Variants in CLSTN3 observed in about 807,000 individuals in gnomAD.
CLSTN3 encodes calsyntenin 3.
CLSTN3 carries 36 observed loss-of-function variants against 95.9 expected under a neutral mutation model. The ratio of observed to expected loss-of-function variants is 0.38; its 90% CI spans 0.29 to 0.50. CLSTN3 has a LOEUF of 0.50. CLSTN3 is among the 20% of genes least tolerant of loss of function. CLSTN3 has a pLI of 0.95. For missense variants in CLSTN3, 1,084 were observed against 1,268.8 expected (o/e 0.85, Z 2.21); for synonymous variants, 481 against 504.0 (o/e 0.95, Z 0.61).
chr12:7,141,161 C>T lies in CLSTN3; in HGVS notation c.1324-81C>T. The T allele has an allele frequency of 2.1e-6, 3 of 1,424,726 alleles. No homozygotes were observed. The highest frequency in any genetic ancestry group is 2.9e-6 in the Non-Finnish European group (3 of 1,042,458). The allele number at this position is 1,424,726 out of a possible 1,614,324, so 88.3% of individuals were successfully genotyped here. A position where few individuals can be genotyped will look rare whatever the true frequency, so the allele number is the denominator to read the frequency against. Reference sequence around the variant, plus strand: ...AATAAAGGGACTGTCCCCTGTCTCCCAGGAGATGGGGCAGTGCCTAGGGTT... The same window carrying T: ...AATAAAGGGACTGTCCCCTGTCTCCTAGGAGATGGGGCAGTGCCTAGGGTT... On this transcript the variant is annotated intron_variant, in intron 8 of 17. Coordinates refer to ENST00000266546, the MANE Select transcript of CLSTN3 (RefSeq NM_014718.4). This position sits in a 1 kb window ranked among gnomAD's most constrained non-coding sequence, Gnocchi z 4.1.
upstream of CLSTN3, chr12:7,129,530 T>G (rs191963652): frequency 3.7e-6 from 3 of 820,250 alleles, no homozygotes; most frequent in Admixed American, 6.2e-5. The surrounding 1 kb of genome is among the most constrained non-coding windows in gnomAD (Gnocchi z 5.5). Context: ...TCTGGAGAAT[T>G]TTATTCTTTT....
intron 10 of CLSTN3, 124 bp downstream of exon 10, chr12:7,142,263 C>A: frequency 6.4e-6 from 5 of 782,248 alleles, no homozygotes; most frequent in Non-Finnish European, 1.0e-5. Context: ...GGGGGCAGAG[C>A]CTCCAAGAAA....
chr12:7,134,847 T>C (rs1939373378), intron 3 of CLSTN3, among the ~76,000 whole-genome samples: 1 of 152,210 alleles, frequency 6.6e-6, no homozygotes, highest in South Asian at 2.1e-4. Flanking sequence ...TGAGCACCCC[T>C]GGGCCTTGTT....
At chr12:7,153,868 C>T (rs752131042) in intron 16 of CLSTN3, among the ~76,000 whole-genome samples, 31 of 152,328 alleles carry the variant, frequency 2.0e-4, no homozygotes, top group Non-Finnish European at 2.9e-4. Context: ...GAGTGTCCAG[C>T]TGCCCTGCAT....
Position 7,137,459 on chromosome 12 carries a change from T to C in CLSTN3, c.1210+349T>C. The C allele has an allele frequency of 3.3e-6, 1 of 299,634 alleles. No individual in the cohort carries two copies. The highest frequency in any genetic ancestry group is 6.4e-6 in the Non-Finnish European group (1 of 156,396). The allele number at this position is 299,634 out of a possible 1,614,324, so 18.6% of individuals were successfully genotyped here. A position where few individuals can be genotyped will look rare whatever the true frequency, so the allele number is the denominator to read the frequency against. ...GCCTGGGTAATGGTGTGCCCCATTC[T>C]TTCATCATCCCATCCTGGGACTGGT... On this transcript the variant is annotated intron_variant, in intron 7 of 17. Transcript: ENST00000266546. This position sits in a 1 kb window ranked among gnomAD's most constrained non-coding sequence, Gnocchi z 4.4.
At chr12:7,140,268 G>A (rs796908554) in intron 8 of CLSTN3, among the ~76,000 whole-genome samples, 7 of 152,288 alleles carry the variant, frequency 4.6e-5, no homozygotes, top group African/African-American at 1.7e-4. Flanking sequence ...AACTGAGGGA[G>A]TTGGGAAAGG....
intron 12 of CLSTN3, among the ~76,000 whole-genome samples, chr12:7,144,232 C>CAAAAA (rs754358387): frequency 1.7e-4 from 12 of 69,626 alleles, no homozygotes; most frequent in African/African-American, 5.0e-4. Flanking sequence ...GACTCCATCT[C>CAAAAA]AAAAAAAAAA....
chr12:7,148,993 C>T lies in CLSTN3; in HGVS notation c.1869C>T (p.Cys623=), dbSNP rs139340287. The T allele has an allele frequency of 7.4e-6, 12 of 1,614,016 alleles. No homozygotes were observed. The highest frequency in any genetic ancestry group is 1.6e-4 in the Middle Eastern group (1 of 6,084). The change falls in exon 13 of 18, where the codon TGC becomes TGT. Residue 623 remains cysteine, a synonymous_variant. Coordinates refer to ENST00000266546, the MANE Select transcript of CLSTN3 (RefSeq NM_014718.4). ...TAVKCFSEES[C]VSIPEVEGYV... is the part of the protein sequence containing the mutation. ...ATAGGTGCTTCAGCGAAGAGTCCTGCGTCTCCATCCCTGAAGTGGAGGGCT... is the reference window on the plus strand; with the variant it reads ...ATAGGTGCTTCAGCGAAGAGTCCTGTGTCTCCATCCCTGAAGTGGAGGGCT...
At chr12:7,132,289 T>C in intron 1 of CLSTN3, 1 of 232,872 alleles carries the variant, frequency 4.3e-6, no homozygotes, top group Non-Finnish European at 8.7e-6. Flanking sequence ...TGTGTTCTCT[T>C]GGGTGTGGGG....
intron 4 of CLSTN3, 64 bp from the exon 5 acceptor site, chr12:7,135,740 C>CT: frequency 6.5e-7 from 1 of 1,534,742 alleles, no homozygotes; most frequent in Admixed American, 1.9e-5. Flanking sequence ...CTCAGACATC[C>CT]TCCCCTCCCT....
Position 7,135,818 on chromosome 12 carries a change from A to T in CLSTN3, c.607A>T (p.Thr203Ser). 6.2e-7 allele frequency: 1 copy of T among 1,608,880 alleles called. No individual in the cohort carries two copies. Among genetic ancestry groups the T allele is most frequent in the African/African-American group, 1.3e-5 (1 of 74,766 alleles). Residue 203 changes from threonine to serine, a missense_variant, in exon 5 of 18, where the codon ACA becomes TCA. Coordinates refer to ENST00000266546, the MANE Select transcript of CLSTN3 (RefSeq NM_014718.4). ...LIDNDGNIEN[T>S]EKLQYSGERL... ...CCCCACCCCAGGGAACATTGAGAAC[A>T]CAGAGAAGCTGCAGTACAGTGGTGA...
chr12:7,142,004 G>A, intron 9 of CLSTN3, 82 bp from the exon 10 acceptor site: 1 of 1,132,946 alleles, frequency 8.8e-7, no homozygotes, highest in Non-Finnish European at 1.3e-6. Context: ...GGGGATGAGA[G>A]GAAGACATCT....
In CLSTN3 at chr12:7,149,029, C is replaced by T. The variant is rs748524111; in HGVS notation, c.1905C>T (p.Val635=). The T allele has an allele frequency of 3.7e-6, 6 of 1,614,198 alleles. No individual in the cohort carries two copies. The highest frequency in any genetic ancestry group is 2.2e-5 in the South Asian group (2 of 91,086). The part of the protein sequence containing the change: ...SIPEVEGYVV[V]LQPDAPQILL... ...CTGAAGTGGAGGGCTACGTGGTCGT[C>T]CTTCAGCCTGACGCCCCCCAGATCC... The change falls in exon 13 of 18, where the codon GTC becomes GTT. Residue 635 remains valine, a synonymous_variant. Coordinates refer to ENST00000266546, the MANE Select transcript of CLSTN3 (RefSeq NM_014718.4). This position sits in a 1 kb window ranked among gnomAD's most constrained non-coding sequence, Gnocchi z 4.5.
intron 16 of CLSTN3, among the ~76,000 whole-genome samples, chr12:7,153,635 AT>A (rs1251322752): frequency 1.3e-5 from 2 of 152,024 alleles, no homozygotes; most frequent in Non-Finnish European, 2.9e-5. Context: ...CCAGCTATAA[AT>A]TTTTTTCCTT....
intron 4 of CLSTN3, 50 bp from the exon 5 acceptor site, chr12:7,135,754 C>T (rs779751204): frequency 1.0e-4 from 156 of 1,552,350 alleles, no homozygotes; most frequent in Non-Finnish European, 1.2e-4. Context: ...CCTCCCTGCC[C>T]TGGGCTTTCT....
rs147562870 is a variant in CLSTN3, at chr12:7,156,707, C to T, written c.2528-782C>T. ...CTTTGCCGCCATCAGCTCTAAGGTC[C>T]GTGTGAGAGTGAACGCACCGTTCTG... On this transcript the variant is annotated intron_variant, in intron 16 of 17. Transcript: ENST00000266546. 142 of 456,836 alleles carry T rather than the reference C, an allele frequency of 3.1e-4. No homozygotes were observed. The East Asian group carries it at 6.8e-3, about 22-fold the overall frequency. The allele number at this position is 456,836 out of a possible 1,614,324, so 28.3% of individuals were successfully genotyped here.
rs1418286992 is a variant in CLSTN3 at position 7,135,943 on chromosome 12, C to T, written c.732C>T (p.Pro244=). Residue 244 remains proline (P), a synonymous_variant, in exon 5 of 18, where the codon CCC becomes CCT. Coordinates refer to ENST00000266546, the MANE Select transcript of CLSTN3 (RefSeq NM_014718.4). ...TTCAGGTGAAGCCCACCTGTAAACC[C>T]AGCTGGCAAGGTGAGAGCTCAGCGC... ...VEIQVKPTCK[P]SWQGWNKRIE... is the part of the protein sequence containing the mutation. The T allele has an allele frequency of 6.2e-7, 1 of 1,609,312 alleles. No individual in the cohort carries two copies. The highest frequency in any genetic ancestry group is 8.5e-7 in the Non-Finnish European group (1 of 1,178,100).
At chr12:7,135,574 C>G (rs1257024108) in intron 4 of CLSTN3, 39 bp downstream of exon 4, 4 of 1,596,402 alleles carry the variant, frequency 2.5e-6, no homozygotes, top group East Asian at 2.2e-5. Flanking sequence ...CCCAGTTCCC[C>G]TTGAGCACCC....
At position 7,157,368 on chromosome 12, in the gene CLSTN3, CCG is replaced by C. The variant is rs1432620877; in HGVS notation, c.2528-120_2528-119del. On this transcript the variant is annotated intron_variant, in intron 16 of 17. Coordinates refer to ENST00000266546, the MANE Select transcript of CLSTN3 (RefSeq NM_014718.4). This position sits in a 1 kb window ranked among gnomAD's most constrained non-coding sequence, Gnocchi z 5.9. ...CCAGGTGTTCCTCTCTTCTCGGCCA[CCG>C]TGTGTTCTGCCCTGGGAGTCCTTCA... 419 of 805,824 alleles carry C rather than the reference CCG, an allele frequency of 5.2e-4. No individual in the cohort carries two copies. In the African/African-American group the frequency reaches 6.9e-3, roughly 13 times the overall value. 49.9% of individuals were successfully genotyped at this position (805,824 alleles called of 1,614,324 possible).
Sources: allele counts gnomAD v4.1 joint callset (sites outside exome capture counted in the v4.1 genomes callset), GRCh38; gene constraint gnomAD v4.1.1; non-coding constraint Gnocchi (gnomAD v3.1); transcripts MANE v1.5; gene names NCBI Gene and HGNC (gene_info 2026-07-23, HGNC 2026-07-21).